The following MUC17 variants were observed in gnomAD, a reference collection of about 807,000 sequenced individuals.
MUC17 encodes mucin-17.
In MUC17, 190 loss-of-function variants were observed where a neutral mutation model predicts 170.3. That is an observed-to-expected ratio of 1.12 (90% CI 0.99 to 1.26). MUC17 has a LOEUF of 1.26. Ranked by LOEUF, MUC17 falls within the 50% of genes most tolerant of loss-of-function variation. The pLI is 0.00. For synonymous variants in MUC17, 2,325 were observed against 2,002.5 expected, an observed-to-expected ratio of 1.16 and a Z score of -4.30; for missense variants, 6,415 against 5,530.0, an observed-to-expected ratio of 1.16 and a Z score of -5.08.
intron 3 of MUC17, 21 bp downstream of exon 3, chr7:101,043,840 T>A (rs1562820139): frequency 1.3e-6 from 2 of 1,570,398 alleles, no homozygotes; most frequent in Non-Finnish European, 1.7e-6. Context: ...TCTTGAATTT[T>A]CCTTTTTTTT....
chr7:101,027,892 C>G (rs1794208996), intron 1 of MUC17, among the ~76,000 whole-genome samples: 1 of 151,828 alleles, frequency 6.6e-6, no homozygotes, highest in South Asian at 2.1e-4. Context: ...CTGTCTCGGC[C>G]TCTCAAGTAG....
Position 101,042,843 on chromosome 7 carries a change from G to T in MUC17, c.11427G>T (p.Thr3809=), listed in dbSNP as rs760165554. The T allele has an allele frequency of 6.2e-7, 1 of 1,613,944 alleles. No individual in the cohort carries two copies. The highest frequency in any genetic ancestry group is 8.5e-7 in the Non-Finnish European group (1 of 1,180,022). The change falls in exon 3 of 13, where the codon ACG becomes ACT. Residue 3809 remains threonine (T), a synonymous_variant. Transcript: ENST00000306151. ...EGTTTMPMST[T]SERSTLLTTV... ...CCACCACCATGCCTATGTCAACTAC[G>T]AGTGAAAGAAGCACTTTATTGACAA...
At position 101,058,499 on chromosome 7, in the gene MUC17, T is replaced by C. The variant is rs1795092366; in HGVS notation, c.*455T>C. 6.5e-6 allele frequency: 1 copy of C among 153,796 alleles called. No homozygotes were observed. The highest frequency in any genetic ancestry group is 1.4e-5 in the Non-Finnish European group (1 of 69,118). The allele number at this position is 153,796 out of a possible 1,614,324, so 9.5% of individuals were successfully genotyped here. ...GAGGACCACGCTTCAGTCAAAGGCATACAAGTATCTATCTGGACTTCCCTG... is the reference window on the plus strand; with the variant it reads ...GAGGACCACGCTTCAGTCAAAGGCACACAAGTATCTATCTGGACTTCCCTG... On this transcript the variant is annotated 3_prime_UTR_variant, in exon 13 of 13. Transcript: ENST00000306151.
rs71286278 is a variant in MUC17 at position 101,035,641 on chromosome 7, G to A, written c.4225G>A (p.Val1409Ile). Residue 1409 changes from valine (V) to isoleucine (I), a missense_variant, in exon 3 of 13, where the codon GTC becomes ATC. By Grantham distance (29) the Val-to-Ile change is conservative (BLOSUM62 3). Transcript: ENST00000306151. ...TATACCTGTCAGCACCACGCCGGTA[G>A]TCAGTTCTGAGGCTAGCACCCTTTC... ...TSIPVSTTPV[V>I]SSEASTLSAT... 4.3e-6 allele frequency: 7 copies of A among 1,610,702 alleles called. No homozygotes were observed. The highest frequency in any genetic ancestry group is 1.1e-5 in the South Asian group (1 of 90,710).
rs1268341770 is a variant in MUC17, at chr7:101,042,383, C to T, written c.10967C>T (p.Ser3656Leu). The T allele has an allele frequency of 6.2e-7, 1 of 1,614,108 alleles. No homozygotes were observed. Among genetic ancestry groups the T allele is most frequent in the South Asian group, 1.1e-5 (1 of 91,066 alleles). Residue 3656 changes from serine (S) to leucine (L), a missense_variant, in exon 3 of 13, where the codon TCA (serine) becomes TTA (leucine). Coordinates refer to ENST00000306151, the MANE Select transcript of MUC17 (RefSeq NM_001040105.2). Reference sequence around the variant, plus strand: ...ACCATTTCTGAGGCTGGCACAGCTTCAACACTTCCTGTTGACACCAGCACA... The same window carrying T: ...ACCATTTCTGAGGCTGGCACAGCTTTAACACTTCCTGTTGACACCAGCACA... ...SVTISEAGTA[S>L]TLPVDTSTPV...
Position 101,038,781 on chromosome 7 carries a change from C to T in MUC17, c.7365C>T (p.Thr2455=), listed in dbSNP as rs768867714. The part of the protein sequence containing the change: ...SIPTSPPSEG[T]TPLASMPVST... ...CAACCTCACCTCCTAGTGAAGGAAC[C>T]ACTCCGTTAGCAAGTATGCCTGTCA... Residue 2455 remains threonine (T), a synonymous_variant, in exon 3 of 13, where the codon ACC becomes ACT. Coordinates refer to ENST00000306151, the MANE Select transcript of MUC17 (RefSeq NM_001040105.2). The T allele has an allele frequency of 6.2e-7, 1 of 1,612,374 alleles. No homozygotes were observed. The highest frequency in any genetic ancestry group is 8.5e-7 in the Non-Finnish European group (1 of 1,178,968).
In MUC17 at chr7:101,038,385, T is replaced by G. The variant is rs1794564074; in HGVS notation, c.6969T>G (p.Ala2323=). The part of the protein sequence containing the change: ...STEASSPPPT[A]EGTSMPTSTS... The stretch of plus-strand genomic sequence containing the variant: ...AAGCCAGTTCACCTCCTCCCACTGC[T>G]GAAGGTACCAGCATGCCAACCTCAA... The change falls in exon 3 of 13, where the codon GCT becomes GCG. Residue 2323 remains alanine, a synonymous_variant. Transcript: ENST00000306151. 6.2e-7 allele frequency: 1 copy of G among 1,614,010 alleles called. No homozygotes were observed. Among genetic ancestry groups the G allele is most frequent in the Non-Finnish European group, 8.5e-7 (1 of 1,179,994 alleles).
At chr7:101,031,315 T>G (rs1372544646) in intron 2 of MUC17, 94 bp downstream of exon 2, 1 of 1,516,256 alleles carries the variant, frequency 6.6e-7, no homozygotes, top group African/African-American at 1.4e-5. Flanking sequence ...CTGCCATATT[T>G]TACAGTGTGT....
At chr7:101,029,171 A>G (rs1049319343) in intron 1 of MUC17, among the ~76,000 whole-genome samples, 2 of 147,732 alleles carry the variant, frequency 1.4e-5, no homozygotes, top group Middle Eastern at 3.6e-3. Context: ...CTGGGCAACA[A>G]GAGCAAAACT....
At chr7:101,050,439 A>G (rs1178468668) in intron 6 of MUC17, 45 bp from the exon 7 acceptor site, 1 of 1,590,946 alleles carries the variant, frequency 6.3e-7, no homozygotes, top group Non-Finnish European at 8.6e-7. Flanking sequence ...TTCTAGAGGT[A>G]AGCACCCTAT....
Position 101,040,139 on chromosome 7 carries a change from C to CTTCTCCTACAACT in MUC17, c.8724_8736dup (p.Ala2913PhefsTer6). 6.2e-7 allele frequency: 1 copy of CTTCTCCTACAACT among 1,612,740 alleles called. No homozygotes were observed. The highest frequency in any genetic ancestry group is 1.1e-5 in the South Asian group (1 of 91,002). On this transcript the variant is annotated frameshift_variant, in exon 3 of 13. Transcript: ENST00000306151. LOFTEE classifies it high-confidence loss of function. ...GTCACCACTTCTACTGAAGGCAGTT[C>CTTCTCCTACAACT]TTCTCCTACAACTGCTGAAGGTACC...
chr7:101,055,495 T>C (rs1021992509), intron 11 of MUC17, among the ~76,000 whole-genome samples: 2 of 152,236 alleles, frequency 1.3e-5, no homozygotes, highest in African/African-American at 4.8e-5. Context: ...TTAATTTGTA[T>C]GCTCTGTTAG....
chr7:101,034,200 T>C lies in MUC17; in HGVS notation c.2784T>C (p.Ser928=), dbSNP rs878961400. The C allele has an allele frequency of 6.3e-7, 1 of 1,596,450 alleles. No homozygotes were observed. Among genetic ancestry groups the C allele is most frequent in the Non-Finnish European group, 8.5e-7 (1 of 1,172,662 alleles). Residue 928 remains serine (S), a synonymous_variant, in exon 3 of 13, where the codon AGT becomes AGC. Transcript: ENST00000306151. The stretch of plus-strand genomic sequence containing the variant: ...GGGAAGGAAGCACTCCATTAACAAG[T>C]ATGCCTGACAGCACCACGCCGGTAG... ...TPGEGSTPLT[S]MPDSTTPVVS... is the part of the protein sequence containing the mutation.
At chr7:101,053,773 G>T (rs1379879354) in intron 11 of MUC17, among the ~76,000 whole-genome samples, 2 of 151,602 alleles carry the variant, frequency 1.3e-5, no homozygotes, top group Non-Finnish European at 2.9e-5. Context: ...CCAGCTACTC[G>T]GGAGGCTGAG....
rs549040258 is a variant in MUC17 at position 101,038,164 on chromosome 7, C to A, written c.6748C>A (p.Pro2250Thr). ...AGCAACTCCTGTTGACACCAGCACA[C>A]CTGTGACCACTTCTACTGAAGCCAC... is the stretch of plus-strand genomic sequence containing the variant. ...LSATPVDTST[P>T]VTTSTEATSS... is the part of the protein sequence containing the mutation. Residue 2250 changes from proline (P) to threonine (T), a missense_variant, in exon 3 of 13, where the codon CCT becomes ACT. Transcript: ENST00000306151. 9.3e-6 allele frequency: 15 copies of A among 1,613,898 alleles called. No individual in the cohort carries two copies. The African/African-American group carries it at 1.5e-4, about 16-fold the overall frequency.
chr7:101,029,419 T>G (rs574319424), intron 1 of MUC17, among the ~76,000 whole-genome samples: 71 of 152,176 alleles, frequency 4.7e-4, no homozygotes, highest in Admixed American at 7.2e-4. Flanking sequence ...AATGCCTTTC[T>G]CTGAAGATTC....
rs59155935 is a variant in MUC17, at chr7:101,034,176, G to T, written c.2760G>T (p.Gly920=). 48,053 of 1,313,808 alleles carry T rather than the reference G, an allele frequency of 0.037. No individual in the cohort carries two copies. The highest frequency in any genetic ancestry group is 0.13 in the African/African-American group (6,108 of 48,472). 81.4% of individuals were successfully genotyped at this position (1,313,808 alleles called of 1,614,324 possible). ...CCAGCATGCCAACCTCAACTCCTGG[G>T]GAAGGAAGCACTCCATTAACAAGTA... is the stretch of plus-strand genomic sequence containing the variant. ...EGTSMPTSTP[G]EGSTPLTSMP... is the part of the protein sequence containing the mutation. Residue 920 remains glycine (G), a synonymous_variant, in exon 3 of 13, where the codon GGG becomes GGT. Transcript: ENST00000306151.
rs141963257 is a variant in MUC17 at position 101,034,124 on chromosome 7, G to A, written c.2708G>A (p.Arg903His). Residue 903 changes from arginine (R) to histidine (H), a missense_variant, in exon 3 of 13, where the codon CGT becomes CAT. By Grantham distance (29) the Arg-to-His change is conservative (BLOSUM62 0). Transcript: ENST00000306151. ...STPVTNSTEA[R>H]SSPTTSEGTS... ...CCTGTGACCAATTCTACTGAAGCCCGTTCGTCTCCTACAACTTCTGAAGGT... is the reference window on the plus strand; with the variant it reads ...CCTGTGACCAATTCTACTGAAGCCCATTCGTCTCCTACAACTTCTGAAGGT... The A allele has an allele frequency of 0.033, 43,840 of 1,345,454 alleles. No homozygotes were observed. Among genetic ancestry groups the A allele is most frequent in the African/African-American group, 0.17 (9,352 of 55,800 alleles). The allele number at this position is 1,345,454 out of a possible 1,614,324, so 83.3% of individuals were successfully genotyped here. A position where few individuals can be genotyped will look rare whatever the true frequency, so the allele number is the denominator to read the frequency against.
In MUC17 at chr7:101,039,903, C is replaced by A. The variant is rs772953017; in HGVS notation, c.8487C>A (p.Thr2829=). The A allele has an allele frequency of 1.2e-6, 2 of 1,612,980 alleles. No homozygotes were observed. Among genetic ancestry groups the A allele is most frequent in the Non-Finnish European group, 1.7e-6 (2 of 1,179,494 alleles). Residue 2829 remains threonine (T), a synonymous_variant, in exon 3 of 13, where the codon ACC becomes ACA. Transcript: ENST00000306151. ...CAGTGGCCAGTTCTGAGGCTGGCACCCTTTCAACAACTCCTGTTGACACCA... is the reference window on the plus strand; with the variant it reads ...CAGTGGCCAGTTCTGAGGCTGGCACACTTTCAACAACTCCTGTTGACACCA... ...HTPVASSEAG[T]LSTTPVDTST... is the part of the protein sequence containing the mutation.
Sources: allele counts gnomAD v4.1 joint callset (sites outside exome capture counted in the v4.1 genomes callset), GRCh38; gene constraint gnomAD v4.1.1; transcripts MANE v1.5; gene names NCBI Gene and HGNC (gene_info 2026-07-23, HGNC 2026-07-21).